CDH8: variants seen among roughly 807,000 people sequenced by gnomAD.
CDH8 encodes cadherin 8.
A neutral mutation model predicts 68.1 loss-of-function variants in CDH8; 17 were observed. The observed-to-expected ratio is 0.25, with a 90% CI of 0.17 to 0.37. CDH8 has a LOEUF of 0.37. Ranked by LOEUF, CDH8 falls within the 10% of genes least tolerant of loss-of-function variation. The probability of loss-of-function intolerance (pLI) is 1.00; values close to 1 mark genes in which losing one functional copy is unlikely to be tolerated. For synonymous variants in CDH8, 372 were observed against 365.1 expected (o/e 1.02, Z -0.21); for missense variants, 763 against 999.3 (o/e 0.76, Z 3.19).
chr16:61,678,150 A>T (rs1173830421), intron 10 of CDH8, among the ~76,000 whole-genome samples: 1 of 151,806 alleles, frequency 6.6e-6, no homozygotes, highest in Non-Finnish European at 1.5e-5. Flanking sequence ...CCCAACCAAC[A>T]CCCTTCAAGT....
In CDH8 at chr16:61,896,898, C is replaced by T. The variant is rs572125387; in HGVS notation, c.547+4281G>A. 2.6e-3 allele frequency among the ~76,000 whole-genome samples: 388 copies of T among 152,084 alleles called. 4 individuals carry two copies. The highest frequency in any genetic ancestry group is 6.5e-4 in the Non-Finnish European group (44 of 68,000). ...AGCAACATAAAAGTTATTATCCTTG[C>T]TTTATAGCTAAGGAAAATGGCAAAA... On this transcript the variant is annotated intron_variant, in intron 3 of 11. Transcript: ENST00000577390.
At chr16:61,905,737 A>C (rs1483589055) in intron 2 of CDH8, among the ~76,000 whole-genome samples, 1 of 152,128 alleles carries the variant, frequency 6.6e-6, no homozygotes, top group Admixed American at 6.5e-5. Context: ...TACTTAACTC[A>C]GAAAATGGGG....
chr16:61,656,517 T>C (rs1458754442), intron 10 of CDH8, among the ~76,000 whole-genome samples: 1 of 152,114 alleles, frequency 6.6e-6, no homozygotes, highest in African/African-American at 2.4e-5. Context: ...CACAAGTACC[T>C]AAAAAGAAGG....
At chr16:61,796,909 T>C (rs548696525) in intron 7 of CDH8, among the ~76,000 whole-genome samples, 1 of 152,184 alleles carries the variant, frequency 6.6e-6, no homozygotes, top group East Asian at 1.9e-4. Flanking sequence ...GTGTAGTGGT[T>C]GAGAATAGGT....
At chr16:61,814,785 G>T (rs1962035463) in intron 7 of CDH8, among the ~76,000 whole-genome samples, 1 of 152,278 alleles carries the variant, frequency 6.6e-6, no homozygotes, top group East Asian at 1.9e-4. Context: ...AAGGAACTAT[G>T]CATTGCTCTG....
At chr16:61,829,381 C>T (rs145000783) in intron 4 of CDH8, among the ~76,000 whole-genome samples, 73 of 151,878 alleles carry the variant, frequency 4.8e-4, no homozygotes, top group African/African-American at 1.7e-3. Context: ...TTGTTAAATT[C>T]TCCTCAATTG....
At chr16:61,672,279 G>C (rs1480298305) in intron 10 of CDH8, among the ~76,000 whole-genome samples, 1 of 151,960 alleles carries the variant, frequency 6.6e-6, no homozygotes, top group Non-Finnish European at 1.5e-5. Flanking sequence ...TCAAAATTCT[G>C]ATTATTGAAA....
At chr16:61,962,219 T>A (rs2136647) in intron 2 of CDH8, among the ~76,000 whole-genome samples, 1,661 of 151,860 alleles carry the variant, frequency 0.011, 37 homozygotes, top group African/African-American at 0.038. Flanking sequence ...CAGAAGAAAA[T>A]CTATGTACCA....
chr16:61,928,974 T>C (rs893847584), intron 2 of CDH8, among the ~76,000 whole-genome samples: 1 of 152,200 alleles, frequency 6.6e-6, no homozygotes, highest in Non-Finnish European at 1.5e-5. Context: ...AGTGGCATGA[T>C]CTCGGCTCAC....
chr16:61,942,776 A>G (rs1252095841), intron 2 of CDH8, among the ~76,000 whole-genome samples: 1 of 152,186 alleles, frequency 6.6e-6, no homozygotes, highest in Non-Finnish European at 1.5e-5. Flanking sequence ...GTAGCTTTGA[A>G]AAACACCAGT....
chr16:61,828,713 A>T (rs1962394487), intron 4 of CDH8, among the ~76,000 whole-genome samples: 1 of 151,866 alleles, frequency 6.6e-6, no homozygotes, highest in Non-Finnish European at 1.5e-5. Context: ...TCCTCTTACC[A>T]ATGCTGCCCT....
At chr16:61,680,992 G>GT (rs1964002182) in intron 10 of CDH8, among the ~76,000 whole-genome samples, 1 of 151,776 alleles carries the variant, frequency 6.6e-6, no homozygotes, top group South Asian at 2.1e-4. Flanking sequence ...GACTATAATA[G>GT]TTTTTTATAT....
At chr16:62,005,528 G>A (rs1965960155) in intron 2 of CDH8, among the ~76,000 whole-genome samples, 1 of 151,768 alleles carries the variant, frequency 6.6e-6, no homozygotes, top group African/African-American at 2.4e-5. Context: ...ACGAGGACAG[G>A]AGATCGAGAC....
intron 3 of CDH8, among the ~76,000 whole-genome samples, chr16:61,874,850 C>T (rs1963432846): frequency 6.6e-6 from 1 of 152,092 alleles, no homozygotes; most frequent in Non-Finnish European, 1.5e-5. Flanking sequence ...ATCACTTTTG[C>T]ACCAACCTAA....
intron 2 of CDH8, among the ~76,000 whole-genome samples, chr16:62,015,552 G>T (rs1901915916): frequency 1.3e-5 from 2 of 152,256 alleles, no homozygotes; most frequent in African/African-American, 4.8e-5. Flanking sequence ...AAAAGAGAAA[G>T]AAGCCAGATC....
rs1275040893 is a variant in CDH8, at chr16:61,960,003, TATATATATATATAC to T, written c.253-58544_253-58531del. 3.3e-3 allele frequency among the ~76,000 whole-genome samples: 270 copies of T among 82,832 alleles called. 24 individuals carry two copies. The highest frequency in any genetic ancestry group is 0.019 in the African/African-American group (255 of 13,164). The allele number at this position is 82,832 out of a possible 152,430, so 54.3% of individuals were successfully genotyped here. A position where few individuals can be genotyped will look rare whatever the true frequency, so the allele number is the denominator to read the frequency against. On this transcript the variant is annotated intron_variant, in intron 2 of 11. Transcript: ENST00000577390. ...GTGTGTGTATATATATATATATATA[TATATATATATATAC>T]ACACATACACACACACACACAACAT... is the stretch of plus-strand genomic sequence containing the variant.
chr16:61,918,920 G>T (rs1964305388), intron 2 of CDH8, among the ~76,000 whole-genome samples: 1 of 149,338 alleles, frequency 6.7e-6, no homozygotes, highest in African/African-American at 2.5e-5. Context: ...GTCCCTGTCT[G>T]ACAGCTTTGA....
At chr16:61,725,505 T>C (rs939953023) in intron 9 of CDH8, 1 of 150,944 alleles carries the variant, frequency 6.6e-6, no homozygotes, top group Admixed American at 6.6e-5. Context: ...TGAAAAAGTC[T>C]AGCTTACCAG....
intron 2 of CDH8, among the ~76,000 whole-genome samples, chr16:61,961,882 A>G (rs1298013391): frequency 6.6e-6 from 1 of 152,214 alleles, no homozygotes; most frequent in South Asian, 2.1e-4. Flanking sequence ...CCGAAGCCCC[A>G]TTCTCCACAC....
Sources: allele counts gnomAD v4.1 joint callset (sites outside exome capture counted in the v4.1 genomes callset), GRCh38; gene constraint gnomAD v4.1.1; transcripts MANE v1.5; gene names NCBI Gene and HGNC (gene_info 2026-07-23, HGNC 2026-07-21).